Variants in EPHB1 observed in about 807,000 individuals in gnomAD.
The protein encoded by EPHB1 is ephrin type-B receptor 1.
EPHB1 carries 30 observed loss-of-function variants against 94.4 expected under a neutral mutation model. The observed-to-expected ratio is 0.32, with a 90% CI of 0.24 to 0.43. EPHB1 has a LOEUF of 0.43. Ranked by LOEUF, EPHB1 falls within the 20% of genes least tolerant of loss-of-function variation. The pLI is 1.00. For synonymous variants in EPHB1, 522 were observed against 489.1 expected, an observed-to-expected ratio of 1.07 and a Z score of -0.89; for missense variants, 1,055 against 1,308.3, an observed-to-expected ratio of 0.81 and a Z score of 2.99.
intron 3 of EPHB1, among the ~76,000 whole-genome samples, chr3:135,065,334 C>T (rs1937567458): frequency 6.6e-6 from 1 of 152,186 alleles, no homozygotes; most frequent in South Asian, 2.1e-4. Context: ...GTGTTGCTCT[C>T]TGTCTCATAT....
In EPHB1 at chr3:134,795,477, A is replaced by C. The variant is rs1318981107; in HGVS notation, c.-155A>C. ...GCCCCACGCGCACACACTCCTGCCCACGCCCACGCAGCGCTCCGGGAAGTC... is the reference window on the plus strand; with the variant it reads ...GCCCCACGCGCACACACTCCTGCCCCCGCCCACGCAGCGCTCCGGGAAGTC... On this transcript the variant is annotated 5_prime_UTR_variant, in exon 1 of 16. Coordinates refer to ENST00000398015, the MANE Select transcript of EPHB1 (RefSeq NM_004441.5). 7.3e-6 allele frequency: 5 copies of C among 681,888 alleles called. No individual in the cohort carries two copies. The highest frequency in any genetic ancestry group is 1.2e-5 in the Non-Finnish European group (5 of 420,798). 42.2% of individuals were successfully genotyped at this position (681,888 alleles called of 1,614,324 possible).
At chr3:135,158,058 T>G (rs1374125076) in intron 6 of EPHB1, among the ~76,000 whole-genome samples, 1 of 152,226 alleles carries the variant, frequency 6.6e-6, no homozygotes, top group East Asian at 1.9e-4. Context: ...CCTCCGATGC[T>G]GAGGATCTCA....
chr3:135,002,913 C>T (rs1935237410), intron 3 of EPHB1, among the ~76,000 whole-genome samples: 3 of 152,010 alleles, frequency 2.0e-5, no homozygotes, highest in Admixed American at 6.5e-5. Context: ...AAACCAGCTC[C>T]TGGATTCACT....
intron 5 of EPHB1, among the ~76,000 whole-genome samples, chr3:135,140,104 A>G (rs1055383583): frequency 1.3e-5 from 2 of 152,184 alleles, no homozygotes; most frequent in African/African-American, 4.8e-5. Flanking sequence ...TGACAATGAG[A>G]CTGGAGGAAA....
At chr3:134,874,542 C>T (rs73217005) in intron 1 of EPHB1, among the ~76,000 whole-genome samples, 10,683 of 152,208 alleles carry the variant, frequency 0.07, 387 homozygotes, top group South Asian at 0.14. Flanking sequence ...CTTGAAATAT[C>T]GGCAACAGAT....
chr3:134,957,502 C>T (rs1286435748), intron 3 of EPHB1, among the ~76,000 whole-genome samples: 2 of 152,230 alleles, frequency 1.3e-5, no homozygotes, highest in East Asian at 1.9e-4. Context: ...GGAAGGTATC[C>T]GAGCATCACT....
intron 9 of EPHB1, among the ~76,000 whole-genome samples, chr3:135,175,637 T>C (rs1941958456): frequency 6.6e-6 from 1 of 152,188 alleles, no homozygotes; most frequent in Non-Finnish European, 1.5e-5. Context: ...ATGTAACCTA[T>C]GATGACAATA....
rs1217357926 is a variant in EPHB1, at chr3:134,923,157, A to ATGCTT, written c.59-2658_59-2654dup. On this transcript the variant is annotated intron_variant, in intron 1 of 15. Coordinates refer to ENST00000398015, the MANE Select transcript of EPHB1 (RefSeq NM_004441.5). Reference sequence around the variant, plus strand: ...AAACAAACTTAAGAAGCCTGCTCCAATGCTTATGTTCCTTCAAATATGCAT... The same window carrying ATGCTT: ...AAACAAACTTAAGAAGCCTGCTCCAATGCTTTGCTTATGTTCCTTCAAATATGCAT... 2.0e-5 allele frequency among the ~76,000 whole-genome samples: 3 copies of ATGCTT among 152,230 alleles called. No individual in the cohort carries two copies. The East Asian group carries it at 5.8e-4, about 29-fold the overall frequency.
chr3:135,147,271 T>C (rs1941040083), intron 5 of EPHB1, among the ~76,000 whole-genome samples: 1 of 152,202 alleles, frequency 6.6e-6, no homozygotes, highest in African/African-American at 2.4e-5. Flanking sequence ...ATGATTTGGC[T>C]GGGAAACGCT....
intron 1 of EPHB1, among the ~76,000 whole-genome samples, chr3:134,844,238 G>C (rs981473593): frequency 6.6e-6 from 1 of 152,222 alleles, no homozygotes; most frequent in African/African-American, 2.4e-5. Flanking sequence ...CAGAGGTTGT[G>C]TTCAAGCACC....
At chr3:134,878,589 G>A (rs1455141194) in intron 1 of EPHB1, among the ~76,000 whole-genome samples, 1 of 152,176 alleles carries the variant, frequency 6.6e-6, no homozygotes, top group Admixed American at 6.5e-5. Flanking sequence ...GGGAGCTGAT[G>A]GAAAGGGAAG....
chr3:135,235,852 G>A (rs1429793362), intron 12 of EPHB1, among the ~76,000 whole-genome samples: 1 of 152,126 alleles, frequency 6.6e-6, no homozygotes. Flanking sequence ...TGTGGCCGAG[G>A]TCTGATCAAC....
chr3:134,880,392 C>T (rs62270280), intron 1 of EPHB1, among the ~76,000 whole-genome samples: 5,025 of 152,306 alleles, frequency 0.033, 101 homozygotes, highest in Non-Finnish European at 0.054. Flanking sequence ...TTGATGACTC[C>T]ATACAGGGTA....
chr3:135,129,977 C>T (rs1043442135), intron 4 of EPHB1, among the ~76,000 whole-genome samples: 13 of 152,042 alleles, frequency 8.6e-5, no homozygotes, highest in Admixed American at 3.3e-4. Flanking sequence ...CAAGATCCCA[C>T]GGGGGCTTGA....
intron 1 of EPHB1, among the ~76,000 whole-genome samples, chr3:134,843,361 T>G (rs1272715199): frequency 1.3e-5 from 2 of 152,234 alleles, no homozygotes. Context: ...TAGTTGGGAA[T>G]CTCCTCGTAT....
intron 12 of EPHB1, among the ~76,000 whole-genome samples, chr3:135,235,521 C>T (rs1234953382): frequency 6.6e-6 from 1 of 152,208 alleles, no homozygotes; most frequent in African/African-American, 2.4e-5. Context: ...TTCAAATCAC[C>T]TGAAGCATCA....
chr3:135,229,411 T>A (rs1466372441), intron 12 of EPHB1, among the ~76,000 whole-genome samples: 1 of 152,194 alleles, frequency 6.6e-6, no homozygotes, highest in East Asian at 1.9e-4. Flanking sequence ...AGCTATTTAA[T>A]GTGACTGATT....
intron 3 of EPHB1, among the ~76,000 whole-genome samples, chr3:134,955,989 C>A (rs1933253080): frequency 6.6e-6 from 1 of 151,648 alleles, no homozygotes; most frequent in Non-Finnish European, 1.5e-5. Flanking sequence ...CTGGCTCTTC[C>A]TGTGCCAGGG....
At chr3:134,889,619 AT>A (rs2037927917) in intron 1 of EPHB1, among the ~76,000 whole-genome samples, 1 of 151,806 alleles carries the variant, frequency 6.6e-6, no homozygotes, top group African/African-American at 2.4e-5. Flanking sequence ...TGCTAAGACT[AT>A]TTGCCTCTTA....
Sources: gnomAD v4.1 joint callset for allele counts (sites outside exome capture counted in the v4.1 genomes callset) on GRCh38, gnomAD v4.1.1 for gene constraint, MANE v1.5 for transcripts, NCBI Gene and HGNC (gene_info 2026-07-23, HGNC 2026-07-21) for gene names.